The following CADM2 variants were observed in gnomAD, a reference collection of about 807,000 sequenced individuals.
CADM2 encodes the protein cell adhesion molecule 2, also known as immunoglobulin superfamily member 4D.
In CADM2, 12 loss-of-function variants were observed where a neutral mutation model predicts 49.8. That is an observed-to-expected ratio of 0.24 (90% CI 0.15 to 0.39). The LOEUF (loss-of-function observed/expected upper bound fraction) is 0.39. CADM2 is among the 10% of genes least tolerant of loss of function. The pLI is 1.00. For missense variants in CADM2, 378 were observed against 492.3 expected, an observed-to-expected ratio of 0.77 and a Z score of 2.20; for synonymous variants, 214 against 175.4, an observed-to-expected ratio of 1.22 and a Z score of -1.74.
chr3:85,900,398 T>A lies in CADM2; in HGVS notation c.530-11975T>A, dbSNP rs940345617. 2.2e-4 allele frequency among the ~76,000 whole-genome samples: 33 copies of A among 152,298 alleles called. 1 individual carries two copies. The highest frequency in any genetic ancestry group is 7.5e-4 in the African/African-American group (31 of 41,568). ...CCTATTTTGACAGGCTATTTTAAAT[T>A]AAAAATCATGCGAGTTTTGAGGTTA... is the stretch of plus-strand genomic sequence containing the variant. On this transcript the variant is annotated intron_variant, in intron 5 of 9. Coordinates refer to ENST00000383699, the MANE Select transcript of CADM2 (RefSeq NM_001167675.2).
intron 1 of CADM2, among the ~76,000 whole-genome samples, chr3:85,109,356 A>T (rs982453292): frequency 1.3e-5 from 2 of 151,974 alleles, no homozygotes; most frequent in African/African-American, 4.8e-5. Context: ...ATAAACATAG[A>T]GAAAGAGAGA....
intron 1 of CADM2, among the ~76,000 whole-genome samples, chr3:85,568,449 T>TTTCTCTCTCTC (rs1327828613): frequency 3.6e-5 from 1 of 27,774 alleles, no homozygotes; most frequent in African/African-American, 1.0e-4. Flanking sequence ...CTTTCTTTCT[T>TTTCTCTCTCTC]TCTTTCTTTC....
chr3:85,011,515 T>C (rs1167066238), intron 1 of CADM2, among the ~76,000 whole-genome samples: 1 of 152,224 alleles, frequency 6.6e-6, no homozygotes, highest in Non-Finnish European at 1.5e-5. Flanking sequence ...ATGCTGTGTG[T>C]AGAATTTAGT....
chr3:85,990,174 CA>C (rs1728614244), intron 8 of CADM2, among the ~76,000 whole-genome samples: 2 of 152,012 alleles, frequency 1.3e-5, no homozygotes, highest in East Asian at 1.9e-4. Context: ...CACGATGGCA[CA>C]AAAGTGATAC....
chr3:85,739,571 AG>A (rs2068291650), intron 2 of CADM2, among the ~76,000 whole-genome samples: 1 of 152,124 alleles, frequency 6.6e-6, no homozygotes, highest in Non-Finnish European at 1.5e-5. Flanking sequence ...AGAAATGAAT[AG>A]GATGACAATA....
At chr3:85,458,784 C>CA (rs202138744) in intron 1 of CADM2, among the ~76,000 whole-genome samples, 2,678 of 150,876 alleles carry the variant, frequency 0.018, 34 homozygotes, top group Non-Finnish European at 0.027. Context: ...TACAAAAAGA[C>CA]AAAAAAAATC....
At chr3:85,632,670 C>A (rs954896697) in intron 1 of CADM2, among the ~76,000 whole-genome samples, 3 of 151,746 alleles carry the variant, frequency 2.0e-5, no homozygotes, top group Non-Finnish European at 4.4e-5. Context: ...AGGTAAATGT[C>A]TTGATTTCAT....
chr3:85,114,875 G>C (rs761989419), intron 1 of CADM2, among the ~76,000 whole-genome samples: 3 of 152,022 alleles, frequency 2.0e-5, no homozygotes, highest in African/African-American at 4.8e-5. Context: ...ATGTTAAAGG[G>C]AAAGGATTAA....
intron 8 of CADM2, among the ~76,000 whole-genome samples, chr3:85,979,825 G>A (rs913995033): frequency 6.6e-6 from 1 of 151,530 alleles, no homozygotes; most frequent in African/African-American, 2.4e-5. Context: ...GCTGAGTGAA[G>A]CTACTTATTC....
At chr3:85,779,307 A>G (rs553272958) in intron 2 of CADM2, among the ~76,000 whole-genome samples, 46 of 152,258 alleles carry the variant, frequency 3.0e-4, no homozygotes, top group Non-Finnish European at 4.4e-4. Flanking sequence ...CAATCTTACC[A>G]TGCCTAAAGC....
intron 1 of CADM2, among the ~76,000 whole-genome samples, chr3:85,324,829 A>G (rs2044705488): frequency 6.6e-6 from 1 of 152,184 alleles, no homozygotes; most frequent in South Asian, 2.1e-4. Flanking sequence ...CCCAGCTTCC[A>G]AAGAAACTGG....
chr3:85,460,040 TA>T (rs1180040233), intron 1 of CADM2, among the ~76,000 whole-genome samples: 1 of 152,188 alleles, frequency 6.6e-6, no homozygotes, highest in Non-Finnish European at 1.5e-5. Context: ...TTAGATACTG[TA>T]AAAAATGTTT....
Position 85,043,975 on chromosome 3 carries a change from TG to T in CADM2, c.61+84310del, listed in dbSNP as rs530414128. 1.4e-4 allele frequency among the ~76,000 whole-genome samples: 21 copies of T among 152,264 alleles called. No individual in the cohort carries two copies. The South Asian group carries it at 4.4e-3, about 32-fold the overall frequency. Reference sequence around the variant, plus strand: ...CCAACATTATGTCATACTATGTACCTGGGCCTCTAAATCTCCTTGTGTTCAC... The same window carrying T: ...CCAACATTATGTCATACTATGTACCTGGCCTCTAAATCTCCTTGTGTTCAC... On this transcript the variant is annotated intron_variant, in intron 1 of 9. Coordinates refer to ENST00000383699, the MANE Select transcript of CADM2 (RefSeq NM_001167675.2).
chr3:85,614,349 A>G (rs1346577938), intron 1 of CADM2, among the ~76,000 whole-genome samples: 1 of 151,596 alleles, frequency 6.6e-6, no homozygotes, highest in Non-Finnish European at 1.5e-5. Context: ...TTTATAGTTA[A>G]TATGTAGTTT....
intron 1 of CADM2, among the ~76,000 whole-genome samples, chr3:85,253,386 TTCTTGATGATCAC>T (rs1419894794): frequency 6.6e-6 from 1 of 152,078 alleles, no homozygotes; most frequent in African/African-American, 2.4e-5. Flanking sequence ...ATAGCTTAGT[TTCTTGATGATCAC>T]TCTTTTTTTC....
chr3:85,125,481 C>G (rs926885981), intron 1 of CADM2, among the ~76,000 whole-genome samples: 15 of 152,196 alleles, frequency 9.9e-5, no homozygotes, highest in African/African-American at 2.6e-4. Flanking sequence ...ACCTCAGCCT[C>G]CTGGGTGGCC....
chr3:85,961,381 G>A, intron 7 of CADM2, 88 bp from the exon 8 acceptor site: 2 of 1,151,348 alleles, frequency 1.7e-6, no homozygotes, highest in Non-Finnish European at 2.5e-6. Flanking sequence ...CAAAATACAT[G>A]TTAAATATTA....
intron 8 of CADM2, among the ~76,000 whole-genome samples, chr3:85,997,090 T>C (rs1729523708): frequency 6.6e-6 from 1 of 152,218 alleles, no homozygotes; most frequent in Admixed American, 6.5e-5. Flanking sequence ...GGCTGTCACT[T>C]TCATCTCTCC....
At chr3:85,392,047 G>A (rs1460572787) in intron 1 of CADM2, among the ~76,000 whole-genome samples, 1 of 151,986 alleles carries the variant, frequency 6.6e-6, no homozygotes, top group Non-Finnish European at 1.5e-5. Context: ...AAAATTTGGG[G>A]ATGTGAAGGA....
Sources: allele counts gnomAD v4.1 joint callset (sites outside exome capture counted in the v4.1 genomes callset), GRCh38; gene constraint gnomAD v4.1.1; transcripts MANE v1.5; gene names NCBI Gene and HGNC (gene_info 2026-07-23, HGNC 2026-07-21).